The following DCDC2 variants were observed in gnomAD, a reference collection of about 807,000 sequenced individuals.
DCDC2 encodes doublecortin domain-containing protein 2.
DCDC2 carries 40 observed loss-of-function variants against 50.2 expected under a neutral mutation model. The observed-to-expected ratio is 0.80, with a 90% CI of 0.62 to 1.04. The LOEUF is 1.04. Ranked by LOEUF, DCDC2 falls within the 50% of genes least tolerant of loss-of-function variation. The pLI, the probability that DCDC2 is intolerant of heterozygous loss-of-function variation, is 0.00. For missense variants in DCDC2, 570 were observed against 581.9 expected (o/e 0.98, Z 0.21); for synonymous variants, 234 against 210.6 (o/e 1.11, Z -0.96).
At chr6:24,258,317 C>T (rs1419783801) in intron 7 of DCDC2, among the ~76,000 whole-genome samples, 1 of 152,198 alleles carries the variant, frequency 6.6e-6, no homozygotes, top group East Asian at 1.9e-4. Context: ...TCCCCGCCCA[C>T]ATCCTGCTGA....
chr6:24,289,858 A>AT (rs899190069), intron 5 of DCDC2, among the ~76,000 whole-genome samples: 12 of 151,030 alleles, frequency 7.9e-5, no homozygotes, highest in South Asian at 4.2e-4. Flanking sequence ...ACCAAAAAAA[A>AT]TTTTTTTTTG....
At chr6:24,295,246 G>C (rs1186835942) in intron 4 of DCDC2, among the ~76,000 whole-genome samples, 2 of 152,158 alleles carry the variant, frequency 1.3e-5, no homozygotes, top group Non-Finnish European at 2.9e-5. Context: ...AATAGATGCA[G>C]AAAAGGCTTT....
At chr6:24,340,731 A>T (rs74672295) in intron 2 of DCDC2, among the ~76,000 whole-genome samples, 4 of 152,042 alleles carry the variant, frequency 2.6e-5, no homozygotes, top group African/African-American at 4.8e-5. Flanking sequence ...TAAAAAAAAA[A>T]TTTTGTTTTT....
At chr6:24,311,964 A>G (rs915767445) in intron 2 of DCDC2, among the ~76,000 whole-genome samples, 2 of 152,176 alleles carry the variant, frequency 1.3e-5, no homozygotes, top group African/African-American at 4.8e-5. Context: ...GAAGCAACTG[A>G]AGAACCACAA....
At chr6:24,339,161 C>T (rs1409462960) in intron 2 of DCDC2, among the ~76,000 whole-genome samples, 1 of 151,954 alleles carries the variant, frequency 6.6e-6, no homozygotes, top group East Asian at 1.9e-4. Flanking sequence ...CCTTTGCCTG[C>T]AATGCTCTTC....
At chr6:24,356,877 T>C (rs1760478717) in intron 1 of DCDC2, 1 of 152,200 alleles carries the variant, frequency 6.6e-6, no homozygotes, top group Non-Finnish European at 1.5e-5. Flanking sequence ...AGTCGACAAA[T>C]ACAGTCAGCC....
intron 8 of DCDC2, among the ~76,000 whole-genome samples, chr6:24,199,148 C>T (rs972822901): frequency 2.0e-5 from 3 of 152,232 alleles, no homozygotes; most frequent in African/African-American, 7.2e-5. Flanking sequence ...CAGAACAGCG[C>T]TCGAGCTCTG....
intron 2 of DCDC2, among the ~76,000 whole-genome samples, chr6:24,343,051 C>CTTTTTTTTTTTTTTTTTTTTT (rs11322032): frequency 8.1e-6 from 1 of 124,108 alleles, no homozygotes; most frequent in Non-Finnish European, 1.7e-5. Flanking sequence ...GGTAAATATT[C>CTTTTTTTTTTTTTTTTTTTTT]TTTTTTTTTT....
intron 5 of DCDC2, among the ~76,000 whole-genome samples, chr6:24,290,616 G>A (rs143569598): frequency 6.0e-4 from 91 of 152,100 alleles, no homozygotes; most frequent in African/African-American, 2.1e-3. Context: ...TTCTAATAAT[G>A]TTTGCTGTAG....
At chr6:24,380,793 T>C in the DCDC2 span, among the ~76,000 whole-genome samples, 44 of 152,304 alleles carry the variant, frequency 2.9e-4, no homozygotes, top group African/African-American at 1.0e-3. Flanking sequence ...TAAGGTATAA[T>C]TGACAAATAA....
chr6:24,276,861 G>GA (rs200004597), intron 7 of DCDC2, among the ~76,000 whole-genome samples: 6,956 of 145,266 alleles, frequency 0.048, 245 homozygotes, highest in East Asian at 0.15. Context: ...TAGAGCTAAA[G>GA]AAAAAAAAAA....
At chr6:24,201,786 A>G (rs746454079) in intron 8 of DCDC2, among the ~76,000 whole-genome samples, 3 of 152,200 alleles carry the variant, frequency 2.0e-5, no homozygotes, top group Non-Finnish European at 4.4e-5. Flanking sequence ...AAATAGATGC[A>G]ATAAAAATAG....
At chr6:24,242,125 G>GATT (rs1315222795) in intron 7 of DCDC2, among the ~76,000 whole-genome samples, 1 of 152,152 alleles carries the variant, frequency 6.6e-6, no homozygotes, top group Non-Finnish European at 1.5e-5. Context: ...CATGAGCTAT[G>GATT]ATTGCACCAC....
At chr6:24,320,052 G>A (rs182070560) in intron 2 of DCDC2, among the ~76,000 whole-genome samples, 6 of 152,274 alleles carry the variant, frequency 3.9e-5, no homozygotes, top group Admixed American at 3.9e-4. Flanking sequence ...ACTATATACT[G>A]AAGTCTAACG....
chr6:24,303,157 C>A (rs1391100730), intron 2 of DCDC2, among the ~76,000 whole-genome samples: 2 of 151,984 alleles, frequency 1.3e-5, no homozygotes, highest in Non-Finnish European at 2.9e-5. Flanking sequence ...CTTATGGCCG[C>A]TCTCAAGTAC....
chr6:24,208,935 T>A (rs1251177447), intron 7 of DCDC2, among the ~76,000 whole-genome samples: 1 of 152,244 alleles, frequency 6.6e-6, no homozygotes, highest in Non-Finnish European at 1.5e-5. Flanking sequence ...ATACAATCTG[T>A]ATTCATATAC....
chr6:24,184,583 T>TAA (rs35319391), intron 8 of DCDC2, among the ~76,000 whole-genome samples: 6,138 of 148,626 alleles, frequency 0.041, 252 homozygotes, highest in African/African-American at 0.11. Context: ...AAAATAAAAA[T>TAA]AAAAAAAAAA....
chr6:24,301,392 AAGTT>A (rs1368142633), intron 4 of DCDC2, among the ~76,000 whole-genome samples: 48 of 151,260 alleles, frequency 3.2e-4, no homozygotes, highest in Non-Finnish European at 5.5e-4. Context: ...AAAAAAAAAA[AAGTT>A]AAGGGGCTGG....
At chr6:24,290,413 T>A (rs537710214) in intron 5 of DCDC2, among the ~76,000 whole-genome samples, 5 of 152,188 alleles carry the variant, frequency 3.3e-5, no homozygotes, top group Non-Finnish European at 5.9e-5. Flanking sequence ...AAAAATATAA[T>A]CCTTAAAATT....
Sources: gnomAD v4.1 joint callset for allele counts (sites outside exome capture counted in the v4.1 genomes callset) on GRCh38, gnomAD v4.1.1 for gene constraint, MANE v1.5 for transcripts, NCBI Gene and HGNC (gene_info 2026-07-23, HGNC 2026-07-21) for gene names.